FAM107A: variants seen among roughly 807,000 people sequenced by gnomAD.
FAM107A encodes family with sequence similarity 107 member A.
In FAM107A, 19 loss-of-function variants were observed where a neutral mutation model predicts 13.7. The observed-to-expected ratio is 1.38, with a 90% CI of 0.97 to 2.03. The LOEUF (loss-of-function observed/expected upper bound fraction) is 2.03, where lower values mean the gene tolerates loss of function less well. FAM107A is among the 30% of genes most tolerant of loss of function. The pLI is 0.00. For synonymous variants in FAM107A, 82 were observed against 74.5 expected (o/e 1.10, Z -0.52); for missense variants, 203 against 184.4 (o/e 1.10, Z -0.58).
At chr3:58,611,442 C>T (rs4681876) in intron 1 of FAM107A, among the ~76,000 whole-genome samples, 134,065 of 152,250 alleles carry the variant, frequency 0.88, 59,089 homozygotes, top group Admixed American at 0.91. Context: ...GTGATGTTTG[C>T]CCAACCTGGA....
upstream of FAM107A, among the ~76,000 whole-genome samples, chr3:58,578,930 A>G (rs562083292): frequency 2.0e-4 from 30 of 152,310 alleles, no homozygotes; most frequent in African/African-American, 7.0e-4. Context: ...CATTTATTTA[A>G]TTCCTACTGT....
At chr3:58,616,525 G>A (rs1454206461) in intron 1 of FAM107A, among the ~76,000 whole-genome samples, 1 of 105,504 alleles carries the variant, frequency 9.5e-6, no homozygotes, top group Admixed American at 9.4e-5. Context: ...TATAAGAGGA[G>A]AACACACACA....
intron 1 of FAM107A, among the ~76,000 whole-genome samples, chr3:58,611,278 G>T (rs934252174): frequency 2.0e-5 from 3 of 152,190 alleles, no homozygotes; most frequent in African/African-American, 7.2e-5. Flanking sequence ...GCCCTGCCAG[G>T]GGCCCCCAAC....
intron 1 of FAM107A, among the ~76,000 whole-genome samples, chr3:58,595,208 C>T (rs2065687776): frequency 6.6e-6 from 1 of 152,054 alleles, no homozygotes; most frequent in Non-Finnish European, 1.5e-5. Flanking sequence ...AAAATTTTCA[C>T]CGCCCCAACC....
chr3:58,574,806 C>T (rs1381292346), intron 1 of FAM107A, among the ~76,000 whole-genome samples: 4 of 152,176 alleles, frequency 2.6e-5, no homozygotes, highest in African/African-American at 9.7e-5. Context: ...CCCAAGAGGT[C>T]CCAGAGCTCC....
At chr3:58,571,831 C>A in intron 1 of FAM107A, among the ~76,000 whole-genome samples, 1 of 152,182 alleles carries the variant, frequency 6.6e-6, no homozygotes, top group East Asian at 1.9e-4. Context: ...ACTTTGGCTC[C>A]CCAGCTATTC....
chr3:58,586,971 T>A (rs887187751), exon 1 of FAM107A: 2 of 1,500,834 alleles, frequency 1.3e-6, no homozygotes, highest in Admixed American at 2.2e-5. Flanking sequence ...CCAGCACTGC[T>A]GGCCCCGCGA....
At chr3:58,580,098 A>T (rs564909383), upstream of FAM107A, among the ~76,000 whole-genome samples, 2 of 152,150 alleles carry the variant, frequency 1.3e-5, no homozygotes, top group South Asian at 4.1e-4. Flanking sequence ...CCCAGGCCAC[A>T]CTCCATCAGC....
intron 1 of FAM107A, among the ~76,000 whole-genome samples, chr3:58,622,776 C>T (rs2065968893): frequency 6.6e-6 from 1 of 152,022 alleles, no homozygotes; most frequent in Non-Finnish European, 1.5e-5. Flanking sequence ...AGGAGGGGGG[C>T]TCTGCCTTTG....
chr3:58,577,665 G>A, upstream of FAM107A: 1 of 985,364 alleles, frequency 1.0e-6, no homozygotes, highest in Non-Finnish European at 1.2e-6. This position sits in a 1 kb window ranked among gnomAD's most constrained non-coding sequence, Gnocchi z 4.9. Context: ...GAGCAAGGCG[G>A]CTCACGTAAA....
At position 58,566,643 on chromosome 3, in the gene FAM107A, A is replaced by T. The variant is rs778427656; in HGVS notation, c.380T>A (p.Val127Asp). 4 of 1,614,026 alleles carry T rather than the reference A, an allele frequency of 2.5e-6. No homozygotes were observed. Among genetic ancestry groups the T allele is most frequent in the Non-Finnish European group, 2.5e-6 (3 of 1,179,982 alleles). The change falls in exon 4 of 4, where the codon GTC becomes GAC. Residue 127 changes from valine (V) to aspartate (D), a missense_variant. Coordinates refer to ENST00000360997, the MANE Select transcript of FAM107A (RefSeq NM_001076778.3). ...GGCAATTCTCCGCAGGTTTTCCCTGACTTTAATAAACTCGGGGGCGTGATC... is the reference window on the plus strand; with the variant it reads ...GGCAATTCTCCGCAGGTTTTCCCTGTCTTTAATAAACTCGGGGGCGTGATC... ...EEDHAPEFIK[V>D]RENLRRIATL...
intron 1 of FAM107A, among the ~76,000 whole-genome samples, chr3:58,615,759 G>T (rs1485128155): frequency 6.6e-6 from 1 of 152,002 alleles, no homozygotes; most frequent in Non-Finnish European, 1.5e-5. Context: ...AGCTGGGCAT[G>T]GTGGTGTGTG....
intron 1 of FAM107A, among the ~76,000 whole-genome samples, chr3:58,624,045 A>G (rs944302752): frequency 6.6e-6 from 1 of 152,116 alleles, no homozygotes; most frequent in Non-Finnish European, 1.5e-5. Flanking sequence ...GTTGGTGTCT[A>G]TGAACTGGCT....
At chr3:58,589,069 T>C (rs566037056), upstream of FAM107A, 33 of 629,026 alleles carry the variant, frequency 5.2e-5, no homozygotes, top group African/African-American at 3.8e-4. Flanking sequence ...CCAGAACTTA[T>C]GCTGCAAGGG....
intron 3 of FAM107A, 78 bp downstream of exon 3, chr3:58,567,130 G>T (rs2063629779): frequency 1.3e-6 from 2 of 1,533,222 alleles, no homozygotes; most frequent in South Asian, 1.1e-5. Context: ...CCTCTTACTA[G>T]CTGTGGCCAC....
At chr3:58,590,258 G>T (rs1299310170), upstream of FAM107A, among the ~76,000 whole-genome samples, 1 of 152,150 alleles carries the variant, frequency 6.6e-6, no homozygotes, top group African/African-American at 2.4e-5. Flanking sequence ...TCAGCACATG[G>T]CTCTACTCTG....
rs374951188 is a variant in FAM107A at position 58,566,554 on chromosome 3, A to G, written c.*34T>C. The G allele has an allele frequency of 4.0e-5, 61 of 1,515,042 alleles. No homozygotes were observed. The highest frequency in any genetic ancestry group is 4.9e-5 in the Non-Finnish European group (53 of 1,091,480). The allele number at this position is 1,515,042 out of a possible 1,614,324, so 93.8% of individuals were successfully genotyped here. On this transcript the variant is annotated 3_prime_UTR_variant, in exon 4 of 4. Transcript: ENST00000360997. ...AGGGCTGAAGGAGGCTGTCCAGGCC[A>G]GGGTGGGCAGTGGCCTGAGCCCGGC...
At chr3:58,589,489 C>CT (rs2065638249), upstream of FAM107A, among the ~76,000 whole-genome samples, 1 of 152,028 alleles carries the variant, frequency 6.6e-6, no homozygotes, top group African/African-American at 2.4e-5. Flanking sequence ...GACTCATGCT[C>CT]TTTTTTAAAA....
chr3:58,619,258 C>A (rs1004528925), intron 1 of FAM107A, among the ~76,000 whole-genome samples: 5 of 152,140 alleles, frequency 3.3e-5, no homozygotes, highest in Admixed American at 6.6e-5. Context: ...TCCTTGGCCT[C>A]CCAAACTGTT....
Sources: gnomAD v4.1 joint callset for allele counts (sites outside exome capture counted in the v4.1 genomes callset) on GRCh38, gnomAD v4.1.1 for gene constraint, Gnocchi (gnomAD v3.1) non-coding constraint, MANE v1.5 for transcripts, NCBI Gene and HGNC (gene_info 2026-07-23, HGNC 2026-07-21) for gene names.